Variants in MLPH observed in about 807,000 individuals in gnomAD.
MLPH encodes melanophilin.
In MLPH, 51 loss-of-function variants were observed where a neutral mutation model predicts 72.1. That is an observed-to-expected ratio of 0.71 (90% CI 0.56 to 0.89). MLPH has a LOEUF of 0.89. MLPH is among the 40% of genes least tolerant of loss of function. MLPH has a pLI of 0.00. For synonymous variants in MLPH, 301 were observed against 310.1 expected, an observed-to-expected ratio of 0.97 and a Z score of 0.31; for missense variants, 743 against 759.9, an observed-to-expected ratio of 0.98 and a Z score of 0.26.
intron 4 of MLPH, among the ~76,000 whole-genome samples, chr2:237,515,401 C>T (rs1024828042): frequency 6.6e-6 from 1 of 152,120 alleles, no homozygotes; most frequent in African/African-American, 2.4e-5. Context: ...GTCAGCACAG[C>T]CAGTCCAGTG....
In MLPH at chr2:237,540,907, G is replaced by A. The variant is rs1242230088; in HGVS notation, c.1396G>A (p.Glu466Lys). The A allele has an allele frequency of 5.0e-6, 8 of 1,612,054 alleles. No individual in the cohort carries two copies. Among genetic ancestry groups the A allele is most frequent in the Admixed American group, 1.7e-5 (1 of 59,854 alleles). The change falls in exon 11 of 16, where the codon GAG (glutamate) becomes AAG (lysine). Residue 466 changes from glutamate to lysine, a missense_variant. Physicochemically the swap from Glu to Lys is moderately conservative, Grantham distance 56 (BLOSUM62 1). Coordinates refer to ENST00000264605, the MANE Select transcript of MLPH (RefSeq NM_024101.7). ...CACAGATGAGGAGCTGTCAGAGCTGGAGGACAGAGTGGCAGTGACGGCCTC... is the reference window on the plus strand; with the variant it reads ...CACAGATGAGGAGCTGTCAGAGCTGAAGGACAGAGTGGCAGTGACGGCCTC... The part of the protein sequence containing the change: ...RTTDEELSEL[E>K]DRVAVTASEV...
chr2:237,554,397 A>C lies in MLPH; in HGVS notation c.*805A>C, dbSNP rs892203308. On this transcript the variant is annotated 3_prime_UTR_variant, in exon 16 of 16. Transcript: ENST00000264605. Reference sequence around the variant, plus strand: ...AGTGGGGCAGAGGACAGAGGGTCACAACCAATGAGGGATGTCTGCCAAGGA... The same window carrying C: ...AGTGGGGCAGAGGACAGAGGGTCACCACCAATGAGGGATGTCTGCCAAGGA... 6.4e-6 allele frequency: 1 copy of C among 155,848 alleles called. No homozygotes were observed. The highest frequency in any genetic ancestry group is 1.4e-5 in the Non-Finnish European group (1 of 70,196). The allele number at this position is 155,848 out of a possible 1,614,324, so 9.7% of individuals were successfully genotyped here.
At position 237,497,257 on chromosome 2, in the gene MLPH, A is replaced by T. The variant is rs190054179; in HGVS notation, c.110+3721A>T. Among the ~76,000 whole-genome samples, 40 of 152,346 alleles carry T rather than the reference A, an allele frequency of 2.6e-4. 2 individuals carry two copies. Among genetic ancestry groups the T allele is most frequent in the African/African-American group, 9.1e-4 (38 of 41,590 alleles). On this transcript the variant is annotated intron_variant, in intron 2 of 15. Coordinates refer to ENST00000264605, the MANE Select transcript of MLPH (RefSeq NM_024101.7). ...CCTGCCGTGCAATTCGGTTCCTCAC[A>T]GGCCAGGGACACTTACTGGGCCACA...
intron 8 of MLPH, among the ~76,000 whole-genome samples, chr2:237,529,040 CT>C (rs2080364612): frequency 6.6e-6 from 1 of 152,018 alleles, no homozygotes; most frequent in South Asian, 2.1e-4. Context: ...GCTTAGCAGG[CT>C]GTATTATTAT....
chr2:237,553,323 G>A (rs1478342041), intron 15 of MLPH: 2 of 614,108 alleles, frequency 3.3e-6, no homozygotes, highest in African/African-American at 1.8e-5. Context: ...ATGGAGAGGT[G>A]GGGTTTTCAT....
At position 237,524,345 on chromosome 2, in the gene MLPH, C is replaced by T. The variant is rs2080256846; in HGVS notation, c.676-1256C>T. 3.0e-5 allele frequency among the ~76,000 whole-genome samples: 4 copies of T among 133,478 alleles called. 1 individual carries two copies. The South Asian group carries it at 9.2e-4, about 31-fold the overall frequency. 87.6% of individuals were successfully genotyped at this position (133,478 alleles called of 152,430 possible). ...TAAAGGGGAGTTTATTAAGTATTAA[C>T]TTACACGATCACGAGTCCCACGATA... On this transcript the variant is annotated intron_variant, in intron 6 of 15. Coordinates refer to ENST00000264605, the MANE Select transcript of MLPH (RefSeq NM_024101.7).
chr2:237,540,497 C>A lies in MLPH; in HGVS notation c.1254C>A (p.Asp418Glu), dbSNP rs1241613218. 1 of 1,612,616 alleles carries A rather than the reference C, an allele frequency of 6.2e-7. No individual in the cohort carries two copies. Among genetic ancestry groups the A allele is most frequent in the African/African-American group, 1.3e-5 (1 of 74,880 alleles). The change falls in exon 10 of 16, where the codon GAC becomes GAA. Residue 418 changes from aspartate (D) to glutamate (E), a missense_variant. Physicochemically the swap from Asp to Glu is conservative, Grantham distance 45. Coordinates refer to ENST00000264605, the MANE Select transcript of MLPH (RefSeq NM_024101.7). ...ACGAAAAGGCAGAGCCCAACAGGGA[C>A]AAATCAGTTGGGCCTCTCCCCCAGG... ...AKDEKAEPNR[D>E]KSVGPLPQAD... is the part of the protein sequence containing the mutation.
chr2:237,553,252 A>G, intron 15 of MLPH: 1 of 523,602 alleles, frequency 1.9e-6, no homozygotes, highest in South Asian at 1.7e-5. Flanking sequence ...TTTTCATCTG[A>G]GATGCAGTGG....
intron 4 of MLPH, chr2:237,511,398 C>T (rs2079901504): frequency 2.6e-6 from 1 of 392,152 alleles, no homozygotes. Flanking sequence ...AAGTGTGAGC[C>T]ACTGTGCCCT....
intron 1 of MLPH, among the ~76,000 whole-genome samples, chr2:237,490,806 G>A (rs538745993): frequency 2.4e-4 from 37 of 152,260 alleles, no homozygotes; most frequent in Non-Finnish European, 3.8e-4. Context: ...AAATGAGTTC[G>A]GTAGTAAGTC....
chr2:237,534,781 G>T, intron 9 of MLPH, 134 bp downstream of exon 9: 1 of 764,008 alleles, frequency 1.3e-6, no homozygotes. Context: ...TCTGTGTGTA[G>T]TTCTCAGAGA....
chr2:237,554,118 A>G lies in MLPH; in HGVS notation c.*526A>G. On this transcript the variant is annotated 3_prime_UTR_variant, in exon 16 of 16. Coordinates refer to ENST00000264605, the MANE Select transcript of MLPH (RefSeq NM_024101.7). ...TGAACTAATGATCTGCTGAATAATG[A>G]AGGAGGAATAGACACCCCAGTCCCC... is the stretch of plus-strand genomic sequence containing the variant. 3.7e-6 allele frequency: 1 copy of G among 271,876 alleles called. No homozygotes were observed. 16.8% of individuals were successfully genotyped at this position (271,876 alleles called of 1,614,324 possible).
At chr2:237,524,595 C>G (rs573143016) in intron 6 of MLPH, among the ~76,000 whole-genome samples, 12 of 152,160 alleles carry the variant, frequency 7.9e-5, no homozygotes, top group Non-Finnish European at 1.3e-4. Context: ...CCCCAGCCCA[C>G]TGACTCCAAT....
Position 237,525,690 on chromosome 2 carries a change from C to T in MLPH, c.765C>T (p.His255=), listed in dbSNP as rs1574872726. 2 of 1,614,204 alleles carry T rather than the reference C, an allele frequency of 1.2e-6. No homozygotes were observed. The highest frequency in any genetic ancestry group is 1.7e-6 in the Non-Finnish European group (2 of 1,180,044). The change falls in exon 7 of 16, where the codon CAC becomes CAT. Residue 255 remains histidine (H), a synonymous_variant. Transcript: ENST00000264605. ...CTGATACTGGGGCCTCTGGGTGCCA[C>T]TCCCATCCGGAAGAGCAGCCGACCA... is the stretch of plus-strand genomic sequence containing the variant. ...EEADTGASGC[H]SHPEEQPTSI...
intron 1 of MLPH, among the ~76,000 whole-genome samples, chr2:237,492,001 C>T (rs929154617): frequency 6.6e-6 from 1 of 152,188 alleles, no homozygotes; most frequent in Admixed American, 6.5e-5. Context: ...TGGGCCAACA[C>T]GTGCACTCGA....
chr2:237,522,356 T>C (rs1297046608), intron 6 of MLPH, among the ~76,000 whole-genome samples: 4 of 90,138 alleles, frequency 4.4e-5, no homozygotes, highest in Admixed American at 1.0e-4. Context: ...AGTGCTGGAG[T>C]GGAGCAGGGC....
chr2:237,492,260 T>A (rs961484878), intron 1 of MLPH, among the ~76,000 whole-genome samples: 1 of 152,174 alleles, frequency 6.6e-6, no homozygotes, highest in African/African-American at 2.4e-5. Flanking sequence ...TAAGATCATC[T>A]GAGGTTTGAC....
rs367989598 is a variant in MLPH at position 237,543,160 on chromosome 2, A to G, written c.1539+501A>G. 2.8e-3 allele frequency among the ~76,000 whole-genome samples: 11 copies of G among 3,992 alleles called. 1 individual carries two copies. The highest frequency in any genetic ancestry group is 0.022 in the African/African-American group (9 of 418). 2.6% of individuals were successfully genotyped at this position (3,992 alleles called of 152,430 possible). ...GTAGTGAGTAGGGGGACAGTGGTGA[A>G]TGGGGGACAGTGGTGAGTGGGGGAC... is the stretch of plus-strand genomic sequence containing the variant. On this transcript the variant is annotated intron_variant, in intron 12 of 15. Coordinates refer to ENST00000264605, the MANE Select transcript of MLPH (RefSeq NM_024101.7).
chr2:237,542,107 A>T (rs867858202), intron 11 of MLPH, among the ~76,000 whole-genome samples: 14 of 151,890 alleles, frequency 9.2e-5, no homozygotes, highest in Non-Finnish European at 7.4e-5. Context: ...GTAGGGGGTG[A>T]TGGGGCCTGC....
Sources: allele counts gnomAD v4.1 joint callset (sites outside exome capture counted in the v4.1 genomes callset), GRCh38; gene constraint gnomAD v4.1.1; transcripts MANE v1.5; gene names NCBI Gene and HGNC (gene_info 2026-07-23, HGNC 2026-07-21).